Variants in FAT1 observed in about 807,000 individuals in gnomAD.
The protein encoded by FAT1 is protocadherin Fat 1.
In FAT1, 171 loss-of-function variants were observed where a neutral mutation model predicts 329.8. The ratio of observed to expected loss-of-function variants is 0.52; its 90% CI spans 0.46 to 0.59. FAT1 has a LOEUF of 0.59. Among genes scored for constraint, FAT1 ranks in the 20% least tolerant of loss-of-function variants. The probability of loss-of-function intolerance (pLI) is 0.00; values close to 1 mark genes in which losing one functional copy is unlikely to be tolerated. For missense variants in FAT1, 5,672 were observed against 5,774.4 expected (o/e 0.98, Z 0.57); for synonymous variants, 2,233 against 2,228.6 (o/e 1.00, Z -0.06).
At chr4:186,611,145 TTTAAG>T (rs1427279870) in intron 14 of FAT1, among the ~76,000 whole-genome samples, 1 of 152,184 alleles carries the variant, frequency 6.6e-6, no homozygotes, top group Non-Finnish European at 1.5e-5. Flanking sequence ...GATTTTCTAT[TTTAAG>T]TTAATTTGCT....
In FAT1 at chr4:186,603,331, T is replaced by C. The variant is rs373241719; in HGVS notation, c.11195A>G (p.Asn3732Ser). ...TCCCGCGCAGAGTTTCTGGAATACA[T>C]TCAGTATCCTAACTCCAATGATTTC... Reference protein sequence around the residue: ...IEEIIGVRILNVFQKLCAGLD... With the variant: ...IEEIIGVRILSVFQKLCAGLD... The change falls in exon 19 of 27, where the codon AAT (asparagine) becomes AGT (serine). Residue 3732 changes from asparagine to serine, a missense_variant. Asn to Ser is a conservative substitution (Grantham distance 46, BLOSUM62 1). Around this residue, in one of 2 missense-constraint regions of FAT1, gnomAD observed 1,706 missense variants for 1,859.1 expected, o/e 0.92. Coordinates refer to ENST00000441802, the MANE Select transcript of FAT1 (RefSeq NM_005245.4). The C allele has an allele frequency of 1.5e-4, 240 of 1,613,990 alleles. 2 individuals carry two copies. In the South Asian group the frequency reaches 2.1e-3, roughly 14 times the overall value.
At chr4:186,603,088 C>T (rs1186236236) in intron 19 of FAT1, 54 bp from the exon 20 acceptor site, 7 of 1,611,710 alleles carry the variant, frequency 4.3e-6, no homozygotes, top group African/African-American at 2.7e-5. Context: ...ATTTCAAGAA[C>T]ATCACCTTTC....
intron 2 of FAT1, among the ~76,000 whole-genome samples, chr4:186,667,291 G>A (rs573117273): frequency 6.6e-6 from 1 of 152,286 alleles, no homozygotes; most frequent in South Asian, 2.1e-4. Context: ...CAGGGGGTGG[G>A]GGACAGTCAT....
chr4:186,643,686 G>A (rs1036245917), intron 3 of FAT1, among the ~76,000 whole-genome samples: 14 of 151,982 alleles, frequency 9.2e-5, no homozygotes, highest in Admixed American at 8.5e-4. Context: ...CCCGGGGAAC[G>A]CTACCCGAAC....
rs1738530185 is a variant in FAT1, at chr4:186,596,653, C to T, written c.12887G>A (p.Arg4296Gln). The change falls in exon 25 of 27, where the codon CGA (arginine) becomes CAA (glutamine). Residue 4296 changes from arginine (R) to glutamine (Q), a missense_variant. Physicochemically the swap from Arg to Gln is conservative, Grantham distance 43. This residue lies in a region of FAT1 where 1,706 missense variants were observed against 1,859.1 expected (regional missense o/e 0.92). Transcript: ENST00000441802. The surrounding 1 kb of genome is among the most constrained non-coding windows in gnomAD (Gnocchi z 4.7). ...TFNPESVHGH[R>Q]KAVAVCSVAP... is the part of the protein sequence containing the mutation. ...CACGCTGCAGACCGCCACTGCTTTT[C>T]GGTGCCCGTGCACAGACTCGGGGTT... 2.5e-6 allele frequency: 4 copies of T among 1,610,714 alleles called. No homozygotes were observed. Among genetic ancestry groups the T allele is most frequent in the Non-Finnish European group, 2.5e-6 (3 of 1,178,144 alleles).
chr4:186,695,760 A>AACACACAC (rs34932295), intron 2 of FAT1, among the ~76,000 whole-genome samples: 4,178 of 141,256 alleles, frequency 0.03, 81 homozygotes, highest in Middle Eastern at 0.059. Flanking sequence ...TTATATATAA[A>AACACACAC]ACACACACAC....
chr4:186,683,258 A>G (rs1743308800), intron 2 of FAT1, among the ~76,000 whole-genome samples: 1 of 152,138 alleles, frequency 6.6e-6, no homozygotes, highest in Non-Finnish European at 1.5e-5. Context: ...CTCAGCTGAA[A>G]CTGTGCGTTC....
chr4:186,661,398 T>C (rs1224397970), intron 3 of FAT1, among the ~76,000 whole-genome samples: 5 of 152,218 alleles, frequency 3.3e-5, no homozygotes, highest in African/African-American at 1.2e-4. Flanking sequence ...GACAGGCCTT[T>C]GTCAACCACA....
chr4:186,644,116 G>T (rs79011285), intron 3 of FAT1, among the ~76,000 whole-genome samples: 1 of 152,142 alleles, frequency 6.6e-6, no homozygotes, highest in Non-Finnish European at 1.5e-5. Context: ...GTAGGATTTC[G>T]TTCTCTTGAG....
At chr4:186,626,983 A>G (rs1740337999) in intron 9 of FAT1, among the ~76,000 whole-genome samples, 1 of 111,750 alleles carries the variant, frequency 8.9e-6, no homozygotes, top group Non-Finnish European at 1.8e-5. Context: ...GGCACCTGGC[A>G]CATAAAGCGA....
At position 186,620,553 on chromosome 4, in the gene FAT1, A is replaced by T; in HGVS notation, c.6033T>A (p.Pro2011=). The change falls in exon 10 of 27, where the codon CCT becomes CCA. Residue 2011 remains proline (P), a synonymous_variant. Coordinates refer to ENST00000441802, the MANE Select transcript of FAT1 (RefSeq NM_005245.4). ...CTGGGTTGAGGATGTGATAAAACAAAGGCTCATTGATTGGATTCCCAATAG... is the reference window on the plus strand; with the variant it reads ...CTGGGTTGAGGATGTGATAAAACAATGGCTCATTGATTGGATTCCCAATAG... The part of the protein sequence containing the change: ...ITAIGNPINE[P]LFYHILNPDR... 1 of 1,613,988 alleles carries T rather than the reference A, an allele frequency of 6.2e-7. No individual in the cohort carries two copies. The highest frequency in any genetic ancestry group is 8.5e-7 in the Non-Finnish European group (1 of 1,179,886).
intron 15 of FAT1, 35 bp downstream of exon 15, chr4:186,609,766 C>A (rs2126458511): frequency 7.1e-7 from 1 of 1,400,382 alleles, no homozygotes; most frequent in Non-Finnish European, 1.0e-6. Context: ...CCAGAAGATA[C>A]ACAGTTTTCA....
chr4:186,660,487 C>T (rs1327594953), intron 3 of FAT1, among the ~76,000 whole-genome samples: 1 of 152,200 alleles, frequency 6.6e-6, no homozygotes, highest in Non-Finnish European at 1.5e-5. Context: ...TACTTCACAA[C>T]AAATACTGCT....
At chr4:186,594,676 G>GTATATATATATATA (rs60074549) in intron 26 of FAT1, among the ~76,000 whole-genome samples, 5 of 128,350 alleles carry the variant, frequency 3.9e-5, no homozygotes, top group African/African-American at 1.5e-4. Context: ...ATACTTGAAA[G>GTATATATATATATA]TATATATATA....
chr4:186,691,441 T>C (rs1044913408), intron 2 of FAT1, among the ~76,000 whole-genome samples: 2 of 152,228 alleles, frequency 1.3e-5, no homozygotes, highest in Non-Finnish European at 2.9e-5. Context: ...ACAAAGTTTG[T>C]CAACTAACTT....
At chr4:186,705,071 A>G (rs560326169) in intron 2 of FAT1, among the ~76,000 whole-genome samples, 15 of 150,794 alleles carry the variant, frequency 9.9e-5, no homozygotes, top group African/African-American at 2.7e-4. Flanking sequence ...CAGCCTCCCA[A>G]GTAGCTGGGA....
At position 186,620,902 on chromosome 4, in the gene FAT1, C is replaced by T. The variant is rs749595598; in HGVS notation, c.5684G>A (p.Gly1895Glu). The T allele has an allele frequency of 1.2e-6, 2 of 1,613,858 alleles. No individual in the cohort carries two copies. The highest frequency in any genetic ancestry group is 1.7e-6 in the Non-Finnish European group (2 of 1,179,900). ...AGCATTTACTGTGATGACTTTTACT[C>T]CTTTGTATGTTGGTAACAAAAGAGA... ...EASLLLPTYK[G>E]VKVITVNATD... Residue 1895 changes from glycine to glutamate, a missense_variant, in exon 10 of 27, where the codon GGA becomes GAA. Gly to Glu is a moderately conservative substitution (Grantham distance 98, BLOSUM62 -2). Coordinates refer to ENST00000441802, the MANE Select transcript of FAT1 (RefSeq NM_005245.4).
Position 186,610,020 on chromosome 4 carries a change from A to AT in FAT1, c.9854-6dup. 1 of 1,586,566 alleles carries AT rather than the reference A, an allele frequency of 6.3e-7. No individual in the cohort carries two copies. The highest frequency in any genetic ancestry group is 1.1e-5 in the South Asian group (1 of 90,120). ...TCTCAATGATAAATACGGCCCCTGA[A>AT]TAGAAATCAAAATTACTTCCAGCAT... On this transcript the variant is annotated splice_polypyrimidine_tract_variant and splice_region_variant and intron_variant, in intron 14 of 26. Transcript: ENST00000441802.
intron 13 of FAT1, among the ~76,000 whole-genome samples, chr4:186,612,865 T>TTAA (rs1195485530): frequency 6.6e-6 from 1 of 152,218 alleles, no homozygotes; most frequent in Non-Finnish European, 1.5e-5. Context: ...TGAAGATCAG[T>TTAA]TAATATTCAG....
Sources: gnomAD v4.1 joint callset for allele counts (sites outside exome capture counted in the v4.1 genomes callset) on GRCh38, gnomAD v4.1.1 for gene constraint, gnomAD v4.1.1 regional missense constraint, Gnocchi (gnomAD v3.1) non-coding constraint, MANE v1.5 for transcripts, NCBI Gene and HGNC (gene_info 2026-07-23, HGNC 2026-07-21) for gene names.